The following ZDHHC2 variants were observed in gnomAD, a reference collection of about 807,000 sequenced individuals.
ZDHHC2 encodes zDHHC palmitoyltransferase 2, also known as palmitoyltransferase ZDHHC2.
ZDHHC2 carries 51 observed loss-of-function variants against 55.6 expected under a neutral mutation model. That is an observed-to-expected ratio of 0.92 (90% CI 0.73 to 1.16). The LOEUF (loss-of-function observed/expected upper bound fraction) is 1.16. Ranked by LOEUF, ZDHHC2 falls within the 50% of genes most tolerant of loss-of-function variation. The pLI is 0.00. For synonymous variants in ZDHHC2, 199 were observed against 152.9 expected (o/e 1.30, Z -2.22); for missense variants, 491 against 442.4 (o/e 1.11, Z -0.99).
At position 17,217,179 on chromosome 8, in the gene ZDHHC2, C is replaced by G. The variant is rs924097550; in HGVS notation, c.1071C>G (p.Ser357Arg). Residue 357 changes from serine to arginine, a missense_variant, in exon 12 of 13, where the codon AGC becomes AGG. By Grantham distance (110) the Ser-to-Arg change is moderately radical. Transcript: ENST00000262096. Reference sequence around the variant, plus strand: ...TTATGTGCTTTCATTAAGGTATGAGCAATCCTGCATTAACCATGGAAAATG... The same window carrying G: ...TTATGTGCTTTCATTAAGGTATGAGGAATCCTGCATTAACCATGGAAAATG... ...INPGKCKAGMSNPALTMENET is the reference protein window; with the variant it reads ...INPGKCKAGMRNPALTMENET 6.2e-7 allele frequency: 1 copy of G among 1,611,428 alleles called. No individual in the cohort carries two copies. The highest frequency in any genetic ancestry group is 8.5e-7 in the Non-Finnish European group (1 of 1,178,602).
chr8:17,191,585 G>A (rs1806033093), intron 3 of ZDHHC2, among the ~76,000 whole-genome samples: 1 of 152,142 alleles, frequency 6.6e-6, no homozygotes, highest in Non-Finnish European at 1.5e-5. Flanking sequence ...TCTCTGCCTT[G>A]CTTATTTTAC....
chr8:17,164,298 C>T (rs764935883), intron 1 of ZDHHC2, among the ~76,000 whole-genome samples: 20 of 152,132 alleles, frequency 1.3e-4, no homozygotes, highest in African/African-American at 2.4e-5. Context: ...TTATATGCTG[C>T]ATTTCTCGTC....
At chr8:17,187,000 G>T (rs1805745713) in intron 3 of ZDHHC2, among the ~76,000 whole-genome samples, 1 of 152,142 alleles carries the variant, frequency 6.6e-6, no homozygotes, top group Non-Finnish European at 1.5e-5. Context: ...AAGAAAGTAG[G>T]AAAGAGAAGT....
At chr8:17,164,314 A>G (rs183957450) in intron 1 of ZDHHC2, among the ~76,000 whole-genome samples, 23 of 152,318 alleles carry the variant, frequency 1.5e-4, no homozygotes, top group Admixed American at 1.4e-3. Flanking sequence ...TCGTCTTAGC[A>G]CTTCACTCTG....
chr8:17,197,291 A>G (rs1290290036), intron 4 of ZDHHC2, among the ~76,000 whole-genome samples: 1 of 152,200 alleles, frequency 6.6e-6, no homozygotes, highest in African/African-American at 2.4e-5. Context: ...TTTGATTAAC[A>G]TGGACATATT....
chr8:17,182,765 T>G (rs75338614), intron 1 of ZDHHC2, among the ~76,000 whole-genome samples: 5,142 of 152,232 alleles, frequency 0.034, 104 homozygotes, highest in Non-Finnish European at 0.041. Context: ...CACCTTTTTT[T>G]TTGTTGTTGT....
chr8:17,197,710 G>T, intron 5 of ZDHHC2, 59 bp downstream of exon 5: 1 of 1,491,474 alleles, frequency 6.7e-7, no homozygotes, highest in Admixed American at 1.8e-5. Context: ...TCTTCATTAT[G>T]TTTCTTTTCT....
At chr8:17,212,680 G>T (rs1807444108) in intron 10 of ZDHHC2, among the ~76,000 whole-genome samples, 1 of 152,066 alleles carries the variant, frequency 6.6e-6, no homozygotes. Context: ...CAAAATATAA[G>T]TCAGATTGTG....
At chr8:17,178,442 C>T (rs1304070885) in intron 1 of ZDHHC2, among the ~76,000 whole-genome samples, 1 of 151,992 alleles carries the variant, frequency 6.6e-6, no homozygotes, top group East Asian at 1.9e-4. Context: ...TGTGGAGAAC[C>T]CTGACTAATA....
intron 6 of ZDHHC2, among the ~76,000 whole-genome samples, chr8:17,205,308 C>T (rs760395063): frequency 5.3e-5 from 8 of 152,096 alleles, no homozygotes; most frequent in Non-Finnish European, 1.2e-4. Context: ...CCAAAGATGG[C>T]GTAGAGGAAG....
chr8:17,195,244 G>C (rs973186791), intron 3 of ZDHHC2, among the ~76,000 whole-genome samples: 1 of 152,024 alleles, frequency 6.6e-6, no homozygotes, highest in Non-Finnish European at 1.5e-5. Context: ...TATGTACTCT[G>C]TTCCTTTTGA....
chr8:17,213,506 G>C (rs1807490435), intron 10 of ZDHHC2, among the ~76,000 whole-genome samples: 2 of 152,110 alleles, frequency 1.3e-5, no homozygotes, highest in African/African-American at 4.8e-5. Context: ...ACCTGCCTCA[G>C]CTTCCCAAAG....
intron 3 of ZDHHC2, among the ~76,000 whole-genome samples, chr8:17,187,229 C>A (rs188236538): frequency 4.3e-4 from 66 of 152,276 alleles, no homozygotes; most frequent in Non-Finnish European, 8.2e-4. Flanking sequence ...AGTGATGGAT[C>A]AAATTTGCAT....
At chr8:17,184,923 A>G (rs931444485) in intron 2 of ZDHHC2, 108 bp downstream of exon 2, 5 of 990,182 alleles carry the variant, frequency 5.0e-6, no homozygotes, top group African/African-American at 3.3e-5. Flanking sequence ...GAATGTGGAG[A>G]CAAGCTAGGG....
chr8:17,199,533 T>TGTCTTCATCTTC (rs1806560020), intron 6 of ZDHHC2, among the ~76,000 whole-genome samples: 1 of 31,260 alleles, frequency 3.2e-5, no homozygotes, highest in African/African-American at 1.2e-4. Context: ...CTTCGTCTTC[T>TGTCTTCATCTTC]GTCTTCGTCT....
intron 3 of ZDHHC2, 137 bp from the exon 4 acceptor site, chr8:17,195,367 T>C: frequency 2.9e-6 from 3 of 1,035,756 alleles, no homozygotes; most frequent in Non-Finnish European, 2.7e-6. Flanking sequence ...TTGCCCACGT[T>C]TCAAACTCTA....
At position 17,195,413 on chromosome 8, in the gene ZDHHC2, T is replaced by A. The variant is rs1397659296; in HGVS notation, c.253-91T>A. ...GAATGTACAATATACCATTAATATT[T>A]TATAAATACCCTTTTCCGGGTATGG... On this transcript the variant is annotated intron_variant, in intron 3 of 12. Coordinates refer to ENST00000262096, the MANE Select transcript of ZDHHC2 (RefSeq NM_016353.5). The A allele has an allele frequency of 4.3e-6, 6 of 1,408,534 alleles. No homozygotes were observed. The Admixed American group carries it at 1.4e-4, about 32-fold the overall frequency. The allele number at this position is 1,408,534 out of a possible 1,614,324, so 87.3% of individuals were successfully genotyped here. A position where few individuals can be genotyped will look rare whatever the true frequency, so the allele number is the denominator to read the frequency against.
At chr8:17,217,687 C>G (rs1304985825) in intron 12 of ZDHHC2, among the ~76,000 whole-genome samples, 3 of 152,122 alleles carry the variant, frequency 2.0e-5, no homozygotes, top group Non-Finnish European at 4.4e-5. Flanking sequence ...CATTAATGTA[C>G]TCATTAGCAC....
At chr8:17,157,739 T>C (rs929465642) in intron 1 of ZDHHC2, among the ~76,000 whole-genome samples, 27 of 152,176 alleles carry the variant, frequency 1.8e-4, no homozygotes, top group Admixed American at 4.6e-4. Context: ...AAACAGAAAA[T>C]GACCTTTCTG....
Sources: allele counts gnomAD v4.1 joint callset (sites outside exome capture counted in the v4.1 genomes callset), GRCh38; gene constraint gnomAD v4.1.1; transcripts MANE v1.5; gene names NCBI Gene and HGNC (gene_info 2026-07-23, HGNC 2026-07-21).